Variants in CCDC126 observed in about 807,000 individuals in gnomAD.
CCDC126 encodes the protein coiled-coil domain-containing protein 126.
A neutral mutation model predicts 11.7 loss-of-function variants in CCDC126; 5 were observed. The ratio of observed to expected loss-of-function variants is 0.43; its 90% confidence interval spans 0.22 to 0.90. The LOEUF (loss-of-function observed/expected upper bound fraction) is 0.90, where lower values mean the gene tolerates loss of function less well. Ranked by LOEUF, CCDC126 falls within the 40% of genes least tolerant of loss-of-function variation. The pLI is 0.27. For missense variants in CCDC126, 150 were observed against 163.1 expected, an observed-to-expected ratio of 0.92 and a Z score of 0.44; for synonymous variants, 60 against 61.9, an observed-to-expected ratio of 0.97 and a Z score of 0.14.
chr7:23,638,726 T>TAAAAAAAAAAAAAAAAAA (rs1783291366), intron 3 of CCDC126, among the ~76,000 whole-genome samples: 2 of 39,214 alleles, frequency 5.1e-5, no homozygotes, highest in Non-Finnish European at 9.4e-5. Context: ...AAAAAAAAAA[T>TAAAAAAAAAAAAAAAAAA]TAAAAAAAAA....
chr7:23,639,809 C>G (rs926016874), intron 3 of CCDC126, among the ~76,000 whole-genome samples: 11 of 152,140 alleles, frequency 7.2e-5, no homozygotes, highest in East Asian at 1.9e-4. Flanking sequence ...TACGGTAGTA[C>G]TACTCCTTTC....
At chr7:23,631,376 AATT>A (rs1783110275) in intron 3 of CCDC126, among the ~76,000 whole-genome samples, 1 of 152,206 alleles carries the variant, frequency 6.6e-6, no homozygotes, top group Non-Finnish European at 1.5e-5. Context: ...AAGACACATA[AATT>A]TGATAACTTG....
chr7:23,607,576 C>A (rs1489007823), intron 2 of CCDC126, among the ~76,000 whole-genome samples: 1 of 152,090 alleles, frequency 6.6e-6, no homozygotes, highest in Non-Finnish European at 1.5e-5. Flanking sequence ...CTAAAGAAGT[C>A]AAAACTTCTT....
At chr7:23,621,870 T>C (rs1782908114) in intron 3 of CCDC126, among the ~76,000 whole-genome samples, 1 of 152,238 alleles carries the variant, frequency 6.6e-6, no homozygotes, top group African/African-American at 2.4e-5. Flanking sequence ...TCTGTTTATA[T>C]GCTGGATTAT....
chr7:23,623,581 G>C (rs1181270226), intron 3 of CCDC126, among the ~76,000 whole-genome samples: 1 of 140,542 alleles, frequency 7.1e-6, no homozygotes. Context: ...AGGTGACAGA[G>C]TGAGACTGTC....
chr7:23,638,126 A>T (rs1191653236), intron 3 of CCDC126, among the ~76,000 whole-genome samples: 13 of 131,036 alleles, frequency 9.9e-5, no homozygotes, highest in East Asian at 7.9e-4. Flanking sequence ...CAGCCGCCCC[A>T]TCCGGGAGGA....
At chr7:23,626,889 T>G (rs1261175584) in intron 3 of CCDC126, among the ~76,000 whole-genome samples, 1 of 152,240 alleles carries the variant, frequency 6.6e-6, no homozygotes, top group Admixed American at 6.5e-5. Flanking sequence ...ACAGTTAATG[T>G]GTGCTTTCTC....
chr7:23,605,424 T>C (rs934738796), intron 2 of CCDC126, among the ~76,000 whole-genome samples: 38 of 151,186 alleles, frequency 2.5e-4, no homozygotes, highest in African/African-American at 9.3e-4. Flanking sequence ...TGTGTGTGTG[T>C]GTGTGTGTGT....
chr7:23,620,503 A>G (rs1489261632), intron 3 of CCDC126, among the ~76,000 whole-genome samples: 1 of 152,104 alleles, frequency 6.6e-6, no homozygotes, highest in African/African-American at 2.4e-5. Context: ...AGTAGATTGC[A>G]AAAATTTTCT....
chr7:23,628,015 TA>T (rs1054783406), intron 3 of CCDC126, among the ~76,000 whole-genome samples: 2 of 152,232 alleles, frequency 1.3e-5, no homozygotes, highest in African/African-American at 4.8e-5. Context: ...AAAATTTCTT[TA>T]ATTCATTTTA....
intron 3 of CCDC126, among the ~76,000 whole-genome samples, chr7:23,640,958 G>GTA (rs942109779): frequency 1.9e-4 from 27 of 143,024 alleles, no homozygotes; most frequent in African/African-American, 6.4e-4. Context: ...GAACATTGGT[G>GTA]TATAAGTATC....
chr7:23,606,588 A>T (rs527564343), intron 2 of CCDC126, among the ~76,000 whole-genome samples: 2 of 152,092 alleles, frequency 1.3e-5, no homozygotes, highest in East Asian at 1.9e-4. Flanking sequence ...GCCCTTCTTC[A>T]GGTCTAGTAC....
At chr7:23,614,628 T>C (rs904451734) in intron 3 of CCDC126, among the ~76,000 whole-genome samples, 1 of 152,228 alleles carries the variant, frequency 6.6e-6, no homozygotes, top group African/African-American at 2.4e-5. Flanking sequence ...TGGAATGTAT[T>C]TCTTAAATAA....
At chr7:23,602,100 C>T (rs567973563) in intron 2 of CCDC126, 1 of 152,280 alleles carries the variant, frequency 6.6e-6, no homozygotes, top group South Asian at 2.1e-4. Context: ...TTTACATATA[C>T]ATAGTGTGCT....
intron 3 of CCDC126, among the ~76,000 whole-genome samples, chr7:23,640,142 C>A (rs1159978233): frequency 6.6e-6 from 1 of 151,500 alleles, no homozygotes; most frequent in Non-Finnish European, 1.5e-5. Context: ...GAAATTGCTC[C>A]AGTGCACTCC....
chr7:23,604,054 T>G (rs779919694), intron 2 of CCDC126: 1 of 152,182 alleles, frequency 6.6e-6, no homozygotes. Context: ...GAGGTAAGAT[T>G]TAAACAGGTA....
intron 3 of CCDC126, among the ~76,000 whole-genome samples, chr7:23,624,688 C>T (rs748817275): frequency 1.3e-5 from 2 of 152,142 alleles, no homozygotes; most frequent in African/African-American, 4.8e-5. Flanking sequence ...TACCTATGCA[C>T]GCATATTCCA....
At chr7:23,642,393 A>C (rs1465324954) in intron 3 of CCDC126, among the ~76,000 whole-genome samples, 6 of 152,118 alleles carry the variant, frequency 3.9e-5, no homozygotes, top group African/African-American at 1.4e-4. Context: ...ATTATATCGC[A>C]CTAGAAAAGC....
At chr7:23,642,703 C>T in intron 3 of CCDC126, among the ~76,000 whole-genome samples, 1 of 151,082 alleles carries the variant, frequency 6.6e-6, no homozygotes. Context: ...GTGGAGGCTG[C>T]AGCGAGCCGA....
Sources: gnomAD v4.1 joint callset for allele counts (sites outside exome capture counted in the v4.1 genomes callset) on GRCh38, gnomAD v4.1.1 for gene constraint, MANE v1.5 for transcripts, NCBI Gene and HGNC (gene_info 2026-07-23, HGNC 2026-07-21) for gene names.